Variants in ZNF385B observed in about 807,000 individuals in gnomAD.
ZNF385B encodes the protein zinc finger protein 385B, also known as zinc finger protein 533.
A neutral mutation model predicts 39.2 loss-of-function variants in ZNF385B; 23 were observed. The ratio of observed to expected loss-of-function variants is 0.59; its 90% CI spans 0.42 to 0.83. The LOEUF (loss-of-function observed/expected upper bound fraction) is 0.83. Among genes scored for constraint, ZNF385B ranks in the 40% least tolerant of loss-of-function variants. The pLI, the probability that ZNF385B is intolerant of heterozygous loss-of-function variation, is 0.00. For missense variants in ZNF385B, 552 were observed against 598.9 expected, an observed-to-expected ratio of 0.92 and a Z score of 0.82; for synonymous variants, 205 against 222.6, an observed-to-expected ratio of 0.92 and a Z score of 0.70.
chr2:179,714,788 C>T (rs2106391365), intron 3 of ZNF385B, among the ~76,000 whole-genome samples: 1 of 151,200 alleles, frequency 6.6e-6, no homozygotes, highest in Non-Finnish European at 1.5e-5. Flanking sequence ...TCTACTAAAA[C>T]TACAAAAAAA....
intron 3 of ZNF385B, among the ~76,000 whole-genome samples, chr2:179,663,615 T>C (rs183989325): frequency 3.5e-5 from 5 of 143,946 alleles, no homozygotes; most frequent in East Asian, 2.0e-4. Flanking sequence ...GAGGCTGAGG[T>C]AGGAGAATGG....
intron 3 of ZNF385B, among the ~76,000 whole-genome samples, chr2:179,685,530 T>C (rs1697854759): frequency 6.6e-6 from 1 of 152,180 alleles, no homozygotes; most frequent in Non-Finnish European, 1.5e-5. Flanking sequence ...GCAATAGTTA[T>C]ATAATCATTA....
chr2:179,516,313 G>A (rs2058086151), intron 5 of ZNF385B, among the ~76,000 whole-genome samples: 1 of 152,048 alleles, frequency 6.6e-6, no homozygotes, highest in Non-Finnish European at 1.5e-5. Flanking sequence ...GGATCATATG[G>A]GAAACGTATG....
intron 4 of ZNF385B, among the ~76,000 whole-genome samples, chr2:179,526,675 A>G (rs889261461): frequency 1.3e-5 from 2 of 152,334 alleles, no homozygotes; most frequent in African/African-American, 4.8e-5. Context: ...TGGGATCTGC[A>G]TGTTTGCATC....
chr2:179,656,827 T>C (rs1693822699), intron 3 of ZNF385B, among the ~76,000 whole-genome samples: 1 of 152,192 alleles, frequency 6.6e-6, no homozygotes, highest in Non-Finnish European at 1.5e-5. Flanking sequence ...TAGAATAATT[T>C]TTTTGCCCTT....
At chr2:179,699,759 C>T (rs550592236) in intron 3 of ZNF385B, among the ~76,000 whole-genome samples, 9 of 152,250 alleles carry the variant, frequency 5.9e-5, no homozygotes, top group South Asian at 4.1e-4. Flanking sequence ...TTCCATATCA[C>T]GTATCCTCTG....
intron 3 of ZNF385B, among the ~76,000 whole-genome samples, chr2:179,736,096 GA>G (rs200626790): frequency 6.6e-6 from 1 of 151,684 alleles, no homozygotes; most frequent in Non-Finnish European, 1.5e-5. Flanking sequence ...ATTTAAATGT[GA>G]AAAAGAAAAA....
Position 179,445,538 on chromosome 2 carries a change from A to G in ZNF385B, c.1140+12T>C, listed in dbSNP as rs2049385564. 1 of 1,604,504 alleles carries G rather than the reference A, an allele frequency of 6.2e-7. No homozygotes were observed. Among genetic ancestry groups the G allele is most frequent in the Non-Finnish European group, 8.5e-7 (1 of 1,175,738 alleles). ...CTAAAACAATAATGTTTACTAATTC[A>G]GGATACGTTACCTGTTTGAGTTGAA... On this transcript the variant is annotated intron_variant, in intron 8 of 9. Coordinates refer to ENST00000410066, the MANE Select transcript of ZNF385B (RefSeq NM_152520.6).
At chr2:179,570,612 CTCTT>C (rs573630858) in intron 3 of ZNF385B, among the ~76,000 whole-genome samples, 2 of 152,298 alleles carry the variant, frequency 1.3e-5, no homozygotes, top group African/African-American at 2.4e-5. Context: ...TGTTAGTTCT[CTCTT>C]TGTTTCTCTG....
intron 3 of ZNF385B, among the ~76,000 whole-genome samples, chr2:179,684,801 C>G (rs1697798491): frequency 6.6e-6 from 1 of 152,212 alleles, no homozygotes; most frequent in South Asian, 2.1e-4. Flanking sequence ...ACACCCAAGG[C>G]AACCTACCCT....
At chr2:179,746,999 A>G (rs963049915) in intron 3 of ZNF385B, among the ~76,000 whole-genome samples, 45 of 152,302 alleles carry the variant, frequency 3.0e-4, no homozygotes, top group African/African-American at 9.6e-4. Flanking sequence ...GGTTCTATTC[A>G]ATTTTTTAAA....
At chr2:179,592,252 T>A (rs908516621) in intron 3 of ZNF385B, among the ~76,000 whole-genome samples, 2 of 152,152 alleles carry the variant, frequency 1.3e-5, no homozygotes, top group African/African-American at 4.8e-5. Context: ...TTCCTCTGGA[T>A]GTTCAAGCAG....
At position 179,696,133 on chromosome 2, in the gene ZNF385B, A is replaced by G. The variant is rs184222558; in HGVS notation, c.298+73370T>C. ...TTGTGGGGAGTGGAGACAGGGGATAAGCAGGTGGTAGGTCAAGGGTACAGG... is the reference window on the plus strand; with the variant it reads ...TTGTGGGGAGTGGAGACAGGGGATAGGCAGGTGGTAGGTCAAGGGTACAGG... On this transcript the variant is annotated intron_variant, in intron 3 of 9. Coordinates refer to ENST00000410066, the MANE Select transcript of ZNF385B (RefSeq NM_152520.6). Among the ~76,000 whole-genome samples the G allele has an allele frequency of 2.0e-5, 3 of 152,232 alleles. No individual in the cohort carries two copies. In the East Asian group the frequency reaches 5.8e-4, roughly 29 times the overall value.
intron 5 of ZNF385B, among the ~76,000 whole-genome samples, chr2:179,484,079 T>C (rs1328090235): frequency 6.6e-6 from 1 of 152,186 alleles, no homozygotes; most frequent in East Asian, 1.9e-4. Context: ...AAGCCTAAGT[T>C]GTTAGTGTTA....
intron 3 of ZNF385B, among the ~76,000 whole-genome samples, chr2:179,662,694 TC>T (rs910051889): frequency 2.0e-5 from 3 of 152,014 alleles, no homozygotes; most frequent in Non-Finnish European, 2.9e-5. Context: ...TTTAAGTGAA[TC>T]CCCCCCAAAA....
intron 1 of ZNF385B, among the ~76,000 whole-genome samples, chr2:179,847,856 T>C (rs1020799212): frequency 6.6e-6 from 1 of 152,248 alleles, no homozygotes; most frequent in African/African-American, 2.4e-5. Context: ...GGTCCACATA[T>C]GCTGTTATTT....
chr2:179,753,174 C>T (rs1482728212), intron 3 of ZNF385B, among the ~76,000 whole-genome samples: 1 of 152,132 alleles, frequency 6.6e-6, no homozygotes, highest in African/African-American at 2.4e-5. Context: ...TGCCCAGCAC[C>T]ATTTGTTAAA....
chr2:179,730,245 T>C (rs1701304147), intron 3 of ZNF385B, among the ~76,000 whole-genome samples: 1 of 152,200 alleles, frequency 6.6e-6, no homozygotes, highest in Non-Finnish European at 1.5e-5. Context: ...CTCTTAAAAG[T>C]GTCTAATTTC....
At chr2:179,578,525 A>G (rs1353798450) in intron 3 of ZNF385B, among the ~76,000 whole-genome samples, 2 of 152,068 alleles carry the variant, frequency 1.3e-5, no homozygotes, top group Admixed American at 6.6e-5. Flanking sequence ...ATAGAATGAA[A>G]ATAATTTTGT....
Sources: allele counts gnomAD v4.1 joint callset (sites outside exome capture counted in the v4.1 genomes callset), GRCh38; gene constraint gnomAD v4.1.1; transcripts MANE v1.5; gene names NCBI Gene and HGNC (gene_info 2026-07-23, HGNC 2026-07-21).